CRCP: variants seen among roughly 807,000 people sequenced by gnomAD.
CRCP encodes the protein CGRP receptor component.
A neutral mutation model predicts 18.5 loss-of-function variants in CRCP; 18 were observed. That is an observed-to-expected ratio of 0.97 (90% CI 0.67 to 1.44). CRCP has a LOEUF of 1.44. Among genes scored for constraint, CRCP ranks in the 40% most tolerant of loss-of-function variants. CRCP has a pLI of 0.00. For missense variants in CRCP, 130 were observed against 176.4 expected, an observed-to-expected ratio of 0.74 and a Z score of 1.49; for synonymous variants, 53 against 62.9, an observed-to-expected ratio of 0.84 and a Z score of 0.75.
intron 1 of CRCP, among the ~76,000 whole-genome samples, chr7:66,125,265 C>G (rs13245728): frequency 0.61 from 89,749 of 148,164 alleles, 30,514 homozygotes; most frequent in African/African-American, 0.73. Context: ...CTGTTGCCAA[C>G]AACCTGTCGT....
At chr7:66,124,830 A>C (rs1345775393) in intron 1 of CRCP, among the ~76,000 whole-genome samples, 1 of 149,172 alleles carries the variant, frequency 6.7e-6, no homozygotes, top group Non-Finnish European at 1.5e-5. Context: ...TCGCCTTATC[A>C]CACTCAGGAA....
chr7:66,145,606 C>T (rs768762662), intron 5 of CRCP, 106 bp downstream of exon 5: 30 of 1,149,668 alleles, frequency 2.6e-5, no homozygotes, highest in Non-Finnish European at 3.8e-5. Flanking sequence ...GCTGCCCAAC[C>T]ACTCCATTTC....
intron 4 of CRCP, among the ~76,000 whole-genome samples, chr7:66,143,120 C>T (rs1228384210): frequency 6.6e-6 from 1 of 152,206 alleles, no homozygotes; most frequent in Non-Finnish European, 1.5e-5. Context: ...TTGTCAAGTC[C>T]TGTTGACTTT....
intron 4 of CRCP, among the ~76,000 whole-genome samples, chr7:66,145,242 A>T (rs1788258282): frequency 6.6e-6 from 1 of 152,158 alleles, no homozygotes; most frequent in Admixed American, 6.5e-5. Context: ...CATGCCTCTG[A>T]TACCCATTCG....
chr7:66,122,769 A>T (rs1254363501), intron 1 of CRCP, among the ~76,000 whole-genome samples: 1 of 152,050 alleles, frequency 6.6e-6, no homozygotes, highest in Non-Finnish European at 1.5e-5. Context: ...AAGGTGTAGC[A>T]GGTTTGGTTT....
chr7:66,150,354 G>GAAACTCTGTCTCAAAAAAAAA (rs57066308), intron 5 of CRCP, among the ~76,000 whole-genome samples: 1,476 of 146,500 alleles, frequency 0.01, 31 homozygotes, highest in African/African-American at 0.033. Flanking sequence ...CAACAAGAGT[G>GAAACTCTGTCTCAAAAAAAAA]AAGGGGGGGA....
At position 66,154,534 on chromosome 7, in the gene CRCP, G is replaced by A. The variant is rs1788557498; in HGVS notation, c.*2177G>A. 1 of 151,108 alleles carries A rather than the reference G, an allele frequency of 6.6e-6. No individual in the cohort carries two copies. Among genetic ancestry groups the A allele is most frequent in the Non-Finnish European group, 1.5e-5 (1 of 67,880 alleles). 9.4% of individuals were successfully genotyped at this position (151,108 alleles called of 1,614,324 possible). On this transcript the variant is annotated 3_prime_UTR_variant, in exon 6 of 6. Coordinates refer to ENST00000395326, the MANE Select transcript of CRCP (RefSeq NM_014478.5). ...AATCTGAAGAGTTAATATTGTCATC[G>A]ATACAAATAAAGTGAAATCTGACTG...
At position 66,152,655 on chromosome 7, in the gene CRCP, C is replaced by G. The variant is rs1788511272; in HGVS notation, c.*298C>G. On this transcript the variant is annotated 3_prime_UTR_variant, in exon 6 of 6. Coordinates refer to ENST00000395326, the MANE Select transcript of CRCP (RefSeq NM_014478.5). ...GCCTTTGCCCCAGTTGTGGGGAGGTCTCTGTGCACAGCGGGGAAAATGCTT... is the reference window on the plus strand; with the variant it reads ...GCCTTTGCCCCAGTTGTGGGGAGGTGTCTGTGCACAGCGGGGAAAATGCTT... 1 of 349,326 alleles carries G rather than the reference C, an allele frequency of 2.9e-6. No homozygotes were observed. Among genetic ancestry groups the G allele is most frequent in the Non-Finnish European group, 5.4e-6 (1 of 184,394 alleles). The allele number at this position is 349,326 out of a possible 1,614,324, so 21.6% of individuals were successfully genotyped here. A position where few individuals can be genotyped will look rare whatever the true frequency, so the allele number is the denominator to read the frequency against.
chr7:66,115,535 G>A (rs938792295), intron 1 of CRCP, among the ~76,000 whole-genome samples: 1 of 152,150 alleles, frequency 6.6e-6, no homozygotes, highest in Non-Finnish European at 1.5e-5. Flanking sequence ...AGAAACAGCA[G>A]GGGGTGTGTG....
chr7:66,128,125 AAAAG>A (rs1182152408), intron 2 of CRCP, among the ~76,000 whole-genome samples: 4 of 151,726 alleles, frequency 2.6e-5, no homozygotes, highest in East Asian at 1.9e-4. Context: ...AAAAAAAAAA[AAAAG>A]AAAGAAAGAA....
intron 1 of CRCP, among the ~76,000 whole-genome samples, chr7:66,116,876 T>C (rs1787281075): frequency 6.6e-6 from 1 of 152,098 alleles, no homozygotes; most frequent in African/African-American, 2.4e-5. Context: ...ATCGCAGCAC[T>C]TTAGGAGGCC....
Position 66,134,377 on chromosome 7 carries a change from A to G in CRCP, c.239+3A>G, listed in dbSNP as rs1165176173. ...TTGAAAAGCCACAAGTTGACCAAGTAAGTAAATCTCTTAAGTAGGAAGAGC... is the reference window on the plus strand; with the variant it reads ...TTGAAAAGCCACAAGTTGACCAAGTGAGTAAATCTCTTAAGTAGGAAGAGC... On this transcript the variant is annotated splice_donor_region_variant and intron_variant, in intron 4 of 5. Coordinates refer to ENST00000395326, the MANE Select transcript of CRCP (RefSeq NM_014478.5). 3 of 1,590,678 alleles carry G rather than the reference A, an allele frequency of 1.9e-6. No homozygotes were observed. The highest frequency in any genetic ancestry group is 2.2e-5 in the South Asian group (2 of 89,132).
chr7:66,125,903 A>G (rs1787605373), intron 1 of CRCP, among the ~76,000 whole-genome samples: 1 of 149,368 alleles, frequency 6.7e-6, no homozygotes, highest in Non-Finnish European at 1.5e-5. Flanking sequence ...TTATAACTCA[A>G]TTTCAAGCAA....
Position 66,130,325 on chromosome 7 carries a change from T to C in CRCP, c.46-419T>C, listed in dbSNP as rs545160591. On this transcript the variant is annotated intron_variant, in intron 2 of 5. Transcript: ENST00000395326. ...TTCACCGTGTTAGCCAGGATGGTCT[T>C]GATCTCCTGACCTCATGAACCGCCC... 249 of 195,890 alleles carry C rather than the reference T, an allele frequency of 1.3e-3. 2 individuals carry two copies. The highest frequency in any genetic ancestry group is 8.4e-4 in the Non-Finnish European group (80 of 94,680). 12.1% of individuals were successfully genotyped at this position (195,890 alleles called of 1,614,324 possible).
At chr7:66,124,044 CAAAAAAAAAAAAAAAAAA>C (rs57502731) in intron 1 of CRCP, among the ~76,000 whole-genome samples, 88 of 13,512 alleles carry the variant, frequency 6.5e-3, no homozygotes, top group Admixed American at 7.8e-3. Context: ...GACTCCGTCT[CAAAAAAAAAAAAAAAAAA>C]AAAAAAAAAA....
chr7:66,125,545 A>C (rs965321730), intron 1 of CRCP, among the ~76,000 whole-genome samples: 1 of 149,378 alleles, frequency 6.7e-6, no homozygotes, highest in African/African-American at 2.4e-5. Context: ...TGTAAACATC[A>C]ATTGGTTCTC....
chr7:66,140,316 C>T (rs1384997859), intron 4 of CRCP, among the ~76,000 whole-genome samples: 1 of 152,262 alleles, frequency 6.6e-6, no homozygotes, highest in Non-Finnish European at 1.5e-5. Flanking sequence ...GTTTCCCTCC[C>T]AGACCACCTG....
Position 66,146,456 on chromosome 7 carries a change from AAAG to A in CRCP, c.297+965_297+967del, listed in dbSNP as rs201632610. Among the ~76,000 whole-genome samples the A allele has an allele frequency of 7.9e-3, 1,199 of 152,264 alleles. 7 individuals are homozygous for A. Among genetic ancestry groups the A allele is most frequent in the Non-Finnish European group, 0.013 (857 of 68,018 alleles). ...GTCTAATTGCCAGTTTAAAAAAAAA[AAAG>A]AAGAAGAAACTTTAGAGAATTAACA... On this transcript the variant is annotated intron_variant, in intron 5 of 5. Transcript: ENST00000395326.
Position 66,134,330 on chromosome 7 carries a change from T to C in CRCP, c.195T>C (p.Ile65=), listed in dbSNP as rs746661225. 13 of 1,611,772 alleles carry C rather than the reference T, an allele frequency of 8.1e-6. No individual in the cohort carries two copies. The highest frequency in any genetic ancestry group is 1.7e-5 in the Admixed American group (1 of 59,514). ...CATGCAGGCACCAGAGTCCTGAAATTGTCAGAGAATTTCTCACAGCATTGA... is the reference window on the plus strand; with the variant it reads ...CATGCAGGCACCAGAGTCCTGAAATCGTCAGAGAATTTCTCACAGCATTGA... ...KTPCRHQSPE[I]VREFLTALKS... is the part of the protein sequence containing the mutation. Residue 65 remains isoleucine, a synonymous_variant, in exon 4 of 6, where the codon ATT becomes ATC. Transcript: ENST00000395326.
Sources: gnomAD v4.1 joint callset for allele counts (sites outside exome capture counted in the v4.1 genomes callset) on GRCh38, gnomAD v4.1.1 for gene constraint, MANE v1.5 for transcripts, NCBI Gene and HGNC (gene_info 2026-07-23, HGNC 2026-07-21) for gene names.